The following LAIR1 variants were observed in gnomAD, a reference collection of about 807,000 sequenced individuals.
LAIR1 encodes the protein leukocyte associated immunoglobulin like receptor 1.
In LAIR1, 24 loss-of-function variants were observed where a neutral mutation model predicts 32.8. That is an observed-to-expected ratio of 0.73 (90% CI 0.53 to 1.03). The LOEUF is 1.03. Ranked by LOEUF, LAIR1 falls within the 50% of genes least tolerant of loss-of-function variation. The pLI is 0.00. For synonymous variants in LAIR1, 150 were observed against 140.5 expected, an observed-to-expected ratio of 1.07 and a Z score of -0.48; for missense variants, 355 against 347.5, an observed-to-expected ratio of 1.02 and a Z score of -0.17.
In LAIR1 at chr19:54,364,344, C is replaced by T. The variant is rs2082160256; in HGVS notation, c.35-14G>A. 1.2e-6 allele frequency: 2 copies of T among 1,613,656 alleles called. No individual in the cohort carries two copies. The highest frequency in any genetic ancestry group is 1.6e-4 in the Middle Eastern group (1 of 6,072). On this transcript the variant is annotated splice_polypyrimidine_tract_variant and intron_variant, in intron 1 of 9. Coordinates refer to ENST00000391742, the MANE Select transcript of LAIR1 (RefSeq NM_002287.6). This position sits in a 1 kb window ranked among gnomAD's most constrained non-coding sequence, Gnocchi z 4.8. The stretch of plus-strand genomic sequence containing the variant: ...CCAGGCAGAGCACTGGAAGAGAAGC[C>T]CCAGTGAGAAAAATGCCCAGTGCCC...
chr19:54,356,483 A>T lies in LAIR1; in HGVS notation c.583+8T>A. 1 of 1,613,888 alleles carries T rather than the reference A, an allele frequency of 6.2e-7. No homozygotes were observed. The stretch of plus-strand genomic sequence containing the variant: ...CCCAGGTCACCCCACCCTGCCCCTG[A>T]GACCTACCCTGCTTTATCTGATTCT... On this transcript the variant is annotated splice_region_variant and intron_variant, in intron 6 of 9. Coordinates refer to ENST00000391742, the MANE Select transcript of LAIR1 (RefSeq NM_002287.6).
Position 54,364,734 on chromosome 19 carries a change from C to T in LAIR1, c.34+37G>A, listed in dbSNP as rs537900213. On this transcript the variant is annotated intron_variant, in intron 1 of 9. Transcript: ENST00000391742. The surrounding 1 kb of genome is among the most constrained non-coding windows in gnomAD (Gnocchi z 4.8). The stretch of plus-strand genomic sequence containing the variant: ...GCAGGGAATTTTCCAGACCTCCCGA[C>T]CCCCTTTCCAGCCTCCCGGCTGCCT... 1.3e-6 allele frequency: 2 copies of T among 1,568,964 alleles called. No homozygotes were observed. The highest frequency in any genetic ancestry group is 1.1e-5 in the South Asian group (1 of 89,726).
chr19:54,372,999 G>A (rs372499068), upstream of LAIR1, among the ~76,000 whole-genome samples: 28 of 150,772 alleles, frequency 1.9e-4, 1 homozygote, highest in South Asian at 1.9e-3. Context: ...GCATAGTGGC[G>A]GGCGCCTGTA....
chr19:54,365,018 A>C, upstream of LAIR1: 1 of 1,429,702 alleles, frequency 7.0e-7, no homozygotes, highest in South Asian at 1.5e-5. Context: ...GTTTCTGAAA[A>C]ATGTCGCTTA....
chr19:54,361,009 C>T lies in LAIR1; in HGVS notation c.271G>A (p.Val91Ile), dbSNP rs1317117620. 7.4e-6 allele frequency: 12 copies of T among 1,614,052 alleles called. No homozygotes were observed. The highest frequency in any genetic ancestry group is 9.3e-6 in the Non-Finnish European group (11 of 1,179,984). Residue 91 changes from valine to isoleucine, a missense_variant, in exon 3 of 10, where the codon GTA becomes ATA. Transcript: ENST00000391742. ...ESEARFRIDS[V>I]REGNAGLYRC... is the part of the protein sequence containing the mutation. The stretch of plus-strand genomic sequence containing the variant: ...TAAAGCCCGGCATTTCCTTCTCTTA[C>T]TGAGTCAATGCGGAATCTGGCCTCT...
chr19:54,368,189 T>C (rs1010808125), upstream of LAIR1: 1 of 152,186 alleles, frequency 6.6e-6, no homozygotes, highest in African/African-American at 2.4e-5. Flanking sequence ...CTCACCTTGA[T>C]GATGATGAAT....
rs1452829884 is a variant in LAIR1 at position 54,355,960 on chromosome 19, G to C, written c.711C>G (p.Asp237Glu). The part of the protein sequence containing the change: ...NGLPEKDRET[D>E]TSALAAGSSQ... ...AACTAGTAGGAAGGCTCACCGAGGT[G>C]TCCGTCTCTCTGTCCTTCTCAGGAA... The change falls in exon 9 of 10, where the codon GAC (aspartate) becomes GAG (glutamate). Residue 237 changes from aspartate to glutamate, a missense_variant. By Grantham distance (45) the Asp-to-Glu change is conservative (BLOSUM62 2). Coordinates refer to ENST00000391742, the MANE Select transcript of LAIR1 (RefSeq NM_002287.6). The surrounding 1 kb of genome is among the most constrained non-coding windows in gnomAD (Gnocchi z 4.7). The C allele has an allele frequency of 1.3e-6, 2 of 1,599,940 alleles. No homozygotes were observed. Among genetic ancestry groups the C allele is most frequent in the African/African-American group, 2.7e-5 (2 of 74,706 alleles).
At chr19:54,358,399 T>TATATATAATATATATATATA (rs2081841217) in intron 4 of LAIR1, 1 of 1,914 alleles carries the variant, frequency 5.2e-4, no homozygotes, top group African/African-American at 3.6e-3. Flanking sequence ...ATATATATAA[T>TATATATAATATATATATATA]ATATATATAT....
At chr19:54,356,695 G>A in intron 5 of LAIR1, 76 bp from the exon 6 acceptor site, 1 of 1,423,850 alleles carries the variant, frequency 7.0e-7, no homozygotes, top group South Asian at 1.2e-5. Flanking sequence ...CACGTCACGT[G>A]CGTTTCATAG....
chr19:54,362,516 G>A (rs555446765), intron 2 of LAIR1, among the ~76,000 whole-genome samples: 1 of 152,296 alleles, frequency 6.6e-6, no homozygotes, highest in East Asian at 1.9e-4. Context: ...ACAGAGTCTT[G>A]CTCTGTCACC....
chr19:54,357,216 G>A (rs1048544073), intron 4 of LAIR1: 1 of 540,370 alleles, frequency 1.9e-6, no homozygotes, highest in Non-Finnish European at 3.3e-6. Context: ...ATGAGAAGCT[G>A]GCTGCACCGT....
chr19:54,364,835 G>A lies in LAIR1; in HGVS notation c.-31C>T, dbSNP rs753512847. On this transcript the variant is annotated 5_prime_UTR_variant, in exon 1 of 10. Transcript: ENST00000391742. The surrounding 1 kb of genome is among the most constrained non-coding windows in gnomAD (Gnocchi z 4.8). ...AGGTCCCAGCAGTGCAGCCTGGCCTGAGGCGCACCAATGCAAGGACAGAAC... is the reference window on the plus strand; with the variant it reads ...AGGTCCCAGCAGTGCAGCCTGGCCTAAGGCGCACCAATGCAAGGACAGAAC... 7 of 1,614,072 alleles carry A rather than the reference G, an allele frequency of 4.3e-6. No individual in the cohort carries two copies. Among genetic ancestry groups the A allele is most frequent in the Non-Finnish European group, 5.1e-6 (6 of 1,179,954 alleles).
At chr19:54,368,162 G>C (rs2082314058), upstream of LAIR1, 1 of 152,184 alleles carries the variant, frequency 6.6e-6, no homozygotes, top group Non-Finnish European at 1.5e-5. Flanking sequence ...GCCTCAAGCT[G>C]AATACTGAAC....
In LAIR1 at chr19:54,358,605, C is replaced by G. The variant is rs780242691; in HGVS notation, c.415+1417G>C. The G allele has an allele frequency of 2.5e-5, 40 of 1,606,246 alleles. No individual in the cohort carries two copies. In the African/African-American group the frequency reaches 4.7e-4, roughly 19 times the overall value. ...ATTCTTGGTGCATCAAATCCGGAGG[C>G]TTCAGTGCCTGGCACAGTCCCTGTG... On this transcript the variant is annotated intron_variant, in intron 4 of 9. Coordinates refer to ENST00000391742, the MANE Select transcript of LAIR1 (RefSeq NM_002287.6).
upstream of LAIR1, among the ~76,000 whole-genome samples, chr19:54,367,738 TC>T (rs1287389735): frequency 6.8e-6 from 1 of 147,054 alleles, no homozygotes; most frequent in Non-Finnish European, 1.5e-5. Context: ...AGAGCCAGAC[TC>T]CATCTAAAAA....
In LAIR1 at chr19:54,364,144, G is replaced by A; in HGVS notation, c.70+151C>T. On this transcript the variant is annotated intron_variant, in intron 2 of 9. Coordinates refer to ENST00000391742, the MANE Select transcript of LAIR1 (RefSeq NM_002287.6). This position sits in a 1 kb window ranked among gnomAD's most constrained non-coding sequence, Gnocchi z 4.8. Reference sequence around the variant, plus strand: ...TGCGAGAGAGAACTGGGTGAGGGTTGGTTATGCATTTTACATTTGGAAGAG... The same window carrying A: ...TGCGAGAGAGAACTGGGTGAGGGTTAGTTATGCATTTTACATTTGGAAGAG... The A allele has an allele frequency of 1.1e-6, 1 of 948,696 alleles. No homozygotes were observed. The highest frequency in any genetic ancestry group is 1.6e-6 in the Non-Finnish European group (1 of 618,552). The allele number at this position is 948,696 out of a possible 1,614,324, so 58.8% of individuals were successfully genotyped here. A position where few individuals can be genotyped will look rare whatever the true frequency, so the allele number is the denominator to read the frequency against.
At chr19:54,368,105 T>A (rs1309987122), upstream of LAIR1, 1 of 152,114 alleles carries the variant, frequency 6.6e-6, no homozygotes, top group African/African-American at 2.4e-5. Context: ...ATATAAAAAC[T>A]AAGTGAAGGC....
upstream of LAIR1, among the ~76,000 whole-genome samples, chr19:54,367,687 A>C (rs1214884412): frequency 5.3e-5 from 8 of 151,702 alleles, no homozygotes; most frequent in African/African-American, 1.9e-4. Flanking sequence ...CGGAGGCTGC[A>C]GTGAGCCGAG....
At chr19:54,361,946 CA>C (rs2082046791) in intron 2 of LAIR1, among the ~76,000 whole-genome samples, 1 of 151,888 alleles carries the variant, frequency 6.6e-6, no homozygotes, top group Non-Finnish European at 1.5e-5. Flanking sequence ...CGCCCTGAAA[CA>C]GGAAGGTTGT....
Sources: allele counts gnomAD v4.1 joint callset (sites outside exome capture counted in the v4.1 genomes callset), GRCh38; gene constraint gnomAD v4.1.1; non-coding constraint Gnocchi (gnomAD v3.1); transcripts MANE v1.5; gene names NCBI Gene and HGNC (gene_info 2026-07-23, HGNC 2026-07-21).